Variants in MSI2 observed in about 807,000 individuals in gnomAD.
The protein encoded by MSI2 is RNA-binding protein Musashi homolog 2.
A neutral mutation model predicts 45.6 loss-of-function variants in MSI2; 17 were observed. The observed-to-expected ratio is 0.37, with a 90% CI of 0.26 to 0.56. MSI2 has a LOEUF of 0.56. Ranked by LOEUF, MSI2 falls within the 20% of genes least tolerant of loss-of-function variation. MSI2 has a pLI of 0.77. For missense variants in MSI2, 293 were observed against 444.2 expected (o/e 0.66, Z 3.06); for synonymous variants, 156 against 158.2 (o/e 0.99, Z 0.11).
At chr17:57,372,998 C>T (rs550752672) in intron 5 of MSI2, among the ~76,000 whole-genome samples, 4 of 152,200 alleles carry the variant, frequency 2.6e-5, no homozygotes, top group South Asian at 2.1e-4. Flanking sequence ...ACTGTAATCC[C>T]GACACTTTAT....
intron 5 of MSI2, among the ~76,000 whole-genome samples, chr17:57,354,851 C>T (rs1490447058): frequency 6.6e-6 from 1 of 152,140 alleles, no homozygotes; most frequent in Non-Finnish European, 1.5e-5. Context: ...GAGAAGATCT[C>T]TCTAGCTGCT....
intron 11 of MSI2, among the ~76,000 whole-genome samples, chr17:57,656,237 G>A (rs1911580236): frequency 6.6e-6 from 1 of 152,180 alleles, no homozygotes. Context: ...CCCCAGTCCA[G>A]AACTGGGTCA....
At position 57,431,694 on chromosome 17, in the gene MSI2, C is replaced by T. The variant is rs116751640; in HGVS notation, c.405+30223C>T. Among the ~76,000 whole-genome samples, 841 of 152,306 alleles carry T rather than the reference C, an allele frequency of 5.5e-3. 5 individuals carry two copies. The highest frequency in any genetic ancestry group is 0.019 in the African/African-American group (795 of 41,556). On this transcript the variant is annotated intron_variant, in intron 6 of 13. Coordinates refer to ENST00000284073, the MANE Select transcript of MSI2 (RefSeq NM_138962.4). ...CCTGTCTGGCAGATTGCATTCCTCCCCTTACCTGTTTGCCTTCTGGAAGAC... is the reference window on the plus strand; with the variant it reads ...CCTGTCTGGCAGATTGCATTCCTCCTCTTACCTGTTTGCCTTCTGGAAGAC...
intron 11 of MSI2, among the ~76,000 whole-genome samples, chr17:57,656,664 G>A (rs796912336): frequency 2.0e-5 from 3 of 152,166 alleles, no homozygotes; most frequent in South Asian, 2.1e-4. Context: ...GGGTGAGAGT[G>A]GTGACATTCT....
At chr17:57,471,524 G>C (rs534196758) in intron 6 of MSI2, among the ~76,000 whole-genome samples, 1 of 151,998 alleles carries the variant, frequency 6.6e-6, no homozygotes, top group Non-Finnish European at 1.5e-5. Context: ...CACTTTCTGT[G>C]TACAAGCATC....
chr17:57,484,852 C>A (rs997181941), intron 6 of MSI2, among the ~76,000 whole-genome samples: 3 of 152,126 alleles, frequency 2.0e-5, no homozygotes, highest in African/African-American at 4.8e-5. Flanking sequence ...CTTACCTGTG[C>A]TCGAAGACCC....
chr17:57,632,547 G>A, intron 10 of MSI2: 1 of 1,067,002 alleles, frequency 9.4e-7, no homozygotes, highest in Non-Finnish European at 1.1e-6. Flanking sequence ...TGCTGGCCTG[G>A]CCTTGCCTGC....
At chr17:57,545,347 GGATGGACCAGACA>G (rs2087140386) in intron 7 of MSI2, among the ~76,000 whole-genome samples, 1 of 152,194 alleles carries the variant, frequency 6.6e-6, no homozygotes, top group South Asian at 2.1e-4. Context: ...CTGGGTGGAT[GGATGGACCAGACA>G]GATGGATAGC....
the MSI2 span, among the ~76,000 whole-genome samples, chr17:57,695,277 C>T: frequency 2.0e-5 from 3 of 152,192 alleles, no homozygotes; most frequent in South Asian, 6.2e-4. Context: ...CCCAGGCCTG[C>T]TTCTATTTCT....
At chr17:57,352,828 A>G in intron 5 of MSI2, among the ~76,000 whole-genome samples, 1 of 152,184 alleles carries the variant, frequency 6.6e-6, no homozygotes, top group East Asian at 1.9e-4. Flanking sequence ...GGCCAGAAGG[A>G]GAAGGGCTCC....
At chr17:57,433,209 G>A (rs895932168) in intron 6 of MSI2, among the ~76,000 whole-genome samples, 3 of 152,288 alleles carry the variant, frequency 2.0e-5, no homozygotes, top group African/African-American at 7.2e-5. Context: ...GGGTGTACTG[G>A]GTTGAATGGT....
At chr17:57,311,358 T>C (rs950676188) in intron 5 of MSI2, among the ~76,000 whole-genome samples, 2 of 152,140 alleles carry the variant, frequency 1.3e-5, no homozygotes, top group Admixed American at 6.5e-5. Context: ...GATTCTGAAA[T>C]CTCATTTTGC....
rs75865645 is a variant in MSI2, at chr17:57,659,320, T to C, written c.790+7159T>C. On this transcript the variant is annotated intron_variant, in intron 11 of 13. Coordinates refer to ENST00000284073, the MANE Select transcript of MSI2 (RefSeq NM_138962.4). ...TATATTGCTCAAGCTGGTCTCAAACTCCTGGCCTGAAATGATCCTCCTACC... is the reference window on the plus strand; with the variant it reads ...TATATTGCTCAAGCTGGTCTCAAACCCCTGGCCTGAAATGATCCTCCTACC... 4.3e-3 allele frequency among the ~76,000 whole-genome samples: 661 copies of C among 152,214 alleles called. 3 individuals carry two copies. Among genetic ancestry groups the C allele is most frequent in the African/African-American group, 0.015 (628 of 41,540 alleles).
intron 5 of MSI2, among the ~76,000 whole-genome samples, chr17:57,330,150 G>T (rs1037311133): frequency 6.6e-6 from 1 of 152,110 alleles, no homozygotes; most frequent in African/African-American, 2.4e-5. Flanking sequence ...AAAGCCATGT[G>T]CCTGAGTGTT....
In MSI2 at chr17:57,256,599, A is replaced by T. The variant is rs1164734706; in HGVS notation, c.-144A>T. 6.3e-6 allele frequency: 2 copies of T among 316,986 alleles called. No homozygotes were observed. Among genetic ancestry groups the T allele is most frequent in the Non-Finnish European group, 1.0e-5 (2 of 191,026 alleles). The allele number at this position is 316,986 out of a possible 1,614,324, so 19.6% of individuals were successfully genotyped here. A position where few individuals can be genotyped will look rare whatever the true frequency, so the allele number is the denominator to read the frequency against. On this transcript the variant is annotated 5_prime_UTR_variant, in exon 1 of 14. Transcript: ENST00000284073. Reference sequence around the variant, plus strand: ...CCGCTGCCCCGGCTCCGCCGCTCGCAGAGAGATTCGGAGGAGCCCGGGCGG... The same window carrying T: ...CCGCTGCCCCGGCTCCGCCGCTCGCTGAGAGATTCGGAGGAGCCCGGGCGG...
intron 6 of MSI2, among the ~76,000 whole-genome samples, chr17:57,408,307 G>T (rs755398203): frequency 1.3e-5 from 2 of 152,188 alleles, no homozygotes; most frequent in African/African-American, 2.4e-5. Context: ...CATTATTATT[G>T]CTCGTTAACA....
At chr17:57,356,679 A>G (rs545501177) in intron 5 of MSI2, among the ~76,000 whole-genome samples, 1 of 152,194 alleles carries the variant, frequency 6.6e-6, no homozygotes, top group Admixed American at 6.5e-5. Context: ...ATTTCCAGTG[A>G]CTGATGTTTT....
intron 4 of MSI2, among the ~76,000 whole-genome samples, chr17:57,259,116 G>A (rs932710821): frequency 1.3e-5 from 2 of 152,070 alleles, no homozygotes; most frequent in Non-Finnish European, 2.9e-5. Flanking sequence ...TTAATGGGAG[G>A]GGGAGTGTGC....
In MSI2 at chr17:57,417,180, G is replaced by A. The variant is rs969816141; in HGVS notation, c.405+15709G>A. Among the ~76,000 whole-genome samples the A allele has an allele frequency of 3.3e-5, 5 of 152,150 alleles. No homozygotes were observed. The South Asian group carries it at 6.2e-4, about 19-fold the overall frequency. On this transcript the variant is annotated intron_variant, in intron 6 of 13. Coordinates refer to ENST00000284073, the MANE Select transcript of MSI2 (RefSeq NM_138962.4). ...AGATCATGTCTTCATGTGCCTCAAT[G>A]CCAGCCTGAGCATTGACCTGGAAAA...
Sources: gnomAD v4.1 joint callset for allele counts (sites outside exome capture counted in the v4.1 genomes callset) on GRCh38, gnomAD v4.1.1 for gene constraint, MANE v1.5 for transcripts, NCBI Gene and HGNC (gene_info 2026-07-23, HGNC 2026-07-21) for gene names.